BCAS3: variants seen among roughly 807,000 people sequenced by gnomAD.
BCAS3 encodes the protein BCAS4/BCAS3 fusion.
Under a neutral mutation model 116.1 loss-of-function variants are expected in BCAS3, and 53 were observed. That is an observed-to-expected ratio of 0.46 (90% CI 0.37 to 0.57). The LOEUF (loss-of-function observed/expected upper bound fraction) is 0.57, where lower values mean the gene tolerates loss of function less well. BCAS3 is among the 20% of genes least tolerant of loss of function. The pLI, the probability that BCAS3 is intolerant of heterozygous loss-of-function variation, is 0.00. For missense variants in BCAS3, 917 were observed against 1,165.4 expected, an observed-to-expected ratio of 0.79 and a Z score of 3.10; for synonymous variants, 391 against 408.2, an observed-to-expected ratio of 0.96 and a Z score of 0.51.
At chr17:60,969,451 C>G (rs554592381) in intron 14 of BCAS3, among the ~76,000 whole-genome samples, 1 of 152,090 alleles carries the variant, frequency 6.6e-6, no homozygotes, top group East Asian at 1.9e-4. Context: ...GTGTTAATAG[C>G]AGAATTTGAG....
chr17:60,839,994 A>G (rs2051742609), intron 7 of BCAS3, among the ~76,000 whole-genome samples: 1 of 152,156 alleles, frequency 6.6e-6, no homozygotes, highest in African/African-American at 2.4e-5. Context: ...TTTTGAAATC[A>G]TAAAAGCCAT....
intron 22 of BCAS3, among the ~76,000 whole-genome samples, chr17:61,266,210 T>C (rs1030062919): frequency 1.3e-5 from 2 of 152,204 alleles, no homozygotes; most frequent in Non-Finnish European, 2.9e-5. Context: ...TGCTTCAGGA[T>C]TTGATCTTAT....
At chr17:60,951,087 GGTATGGCAAAGCTATT>G (rs563772106) in intron 14 of BCAS3, among the ~76,000 whole-genome samples, 1,544 of 152,226 alleles carry the variant, frequency 0.01, 12 homozygotes, top group Non-Finnish European at 0.016. Context: ...TCATTGCTGT[GGTATGGCAAAGCTATT>G]GATAATTTTG....
At chr17:61,288,861 C>A (rs1203991497) in intron 22 of BCAS3, among the ~76,000 whole-genome samples, 2 of 152,174 alleles carry the variant, frequency 1.3e-5, no homozygotes, top group African/African-American at 2.4e-5. Flanking sequence ...TTTCCAGGTA[C>A]CTTGGTATTC....
At position 61,036,834 on chromosome 17, in the gene BCAS3, G is replaced by C. The variant is rs137973442; in HGVS notation, c.1763-1055G>C. Among the ~76,000 whole-genome samples the C allele has an allele frequency of 3.9e-5, 6 of 152,316 alleles. No individual in the cohort carries two copies. The East Asian group carries it at 9.6e-4, about 24-fold the overall frequency. On this transcript the variant is annotated intron_variant, in intron 17 of 23. Transcript: ENST00000407086. ...CTGATCTTCATTTACCATGGCGCCA[G>C]TGATCCCATGGAGAGAAAGAAGAGG...
At chr17:60,865,045 C>A (rs2054477103) in intron 7 of BCAS3, among the ~76,000 whole-genome samples, 1 of 152,022 alleles carries the variant, frequency 6.6e-6, no homozygotes, top group Non-Finnish European at 1.5e-5. Context: ...GATCACAGAT[C>A]ATTCTAACAG....
chr17:60,782,940 G>T (rs1386961320), intron 6 of BCAS3, among the ~76,000 whole-genome samples: 1 of 151,922 alleles, frequency 6.6e-6, no homozygotes, highest in African/African-American at 2.4e-5. Flanking sequence ...ATTAAATTTG[G>T]GGCCCCAAAT....
rs959547104 is a variant in BCAS3 at position 61,233,979 on chromosome 17, G to GTT, written c.2426-134336_2426-134335dup. On this transcript the variant is annotated intron_variant, in intron 22 of 23. Transcript: ENST00000407086. The surrounding 1 kb of genome is among the most constrained non-coding windows in gnomAD (Gnocchi z 4.3). ...TTGAGTATTACTAATATCAGGTTTG[G>GTT]TTTTTTTTTTTTTCACTTAGTACCC... 2.9e-5 allele frequency among the ~76,000 whole-genome samples: 4 copies of GTT among 140,246 alleles called. No homozygotes were observed. The highest frequency in any genetic ancestry group is 7.8e-5 in the African/African-American group (3 of 38,444). The allele number at this position is 140,246 out of a possible 152,430, so 92.0% of individuals were successfully genotyped here. A position where few individuals can be genotyped will look rare whatever the true frequency, so the allele number is the denominator to read the frequency against.
intron 7 of BCAS3, chr17:60,851,284 GC>G (rs1481581462): frequency 3.4e-6 from 1 of 295,192 alleles, no homozygotes; most frequent in African/African-American, 2.3e-5. Context: ...AGCTCGGGCT[GC>G]AGGAGGAGTG....
intron 13 of BCAS3, among the ~76,000 whole-genome samples, chr17:60,936,193 C>A (rs375210785): frequency 2.6e-5 from 4 of 151,216 alleles, no homozygotes; most frequent in African/African-American, 4.9e-5. Flanking sequence ...TGAACTCATC[C>A]TTTTTTATGG....
At chr17:61,375,859 C>T (rs563718861) in intron 23 of BCAS3, among the ~76,000 whole-genome samples, 120 of 152,298 alleles carry the variant, frequency 7.9e-4, no homozygotes, top group Admixed American at 1.4e-3. Flanking sequence ...ATGCATGAGC[C>T]ACCACACCGG....
Position 61,381,437 on chromosome 17 carries a change from G to A in BCAS3, c.2594-10540G>A, listed in dbSNP as rs141020100. On this transcript the variant is annotated intron_variant, in intron 23 of 23. Transcript: ENST00000407086. The surrounding 1 kb of genome is among the most constrained non-coding windows in gnomAD (Gnocchi z 6.0). ...GAGACTGTGATCCTTTCCCAGCCGC[G>A]GCGTGTGGGCTTGAGACACAGGCTG... 3.0e-4 allele frequency among the ~76,000 whole-genome samples: 46 copies of A among 152,144 alleles called. 1 individual carries two copies. The highest frequency in any genetic ancestry group is 7.5e-4 in the African/African-American group (31 of 41,490).
intron 22 of BCAS3, among the ~76,000 whole-genome samples, chr17:61,102,057 A>G (rs1472915954): frequency 1.3e-5 from 2 of 152,146 alleles, no homozygotes; most frequent in African/African-American, 4.8e-5. Context: ...CTCAAGAATA[A>G]AAATAAGGAA....
chr17:61,084,114 G>A lies in BCAS3; in HGVS notation c.2328-353G>A, dbSNP rs116447950. Among the ~76,000 whole-genome samples, 315 of 152,274 alleles carry A rather than the reference G, an allele frequency of 2.1e-3. 2 individuals carry two copies. Among genetic ancestry groups the A allele is most frequent in the African/African-American group, 7.1e-3 (296 of 41,542 alleles). ...AGGATTCTCAAAACTCTTCATGTGT[G>A]TCCCTTGGAAATCCCAAAGGTTTCA... On this transcript the variant is annotated intron_variant, in intron 21 of 23. Transcript: ENST00000407086. This position sits in a 1 kb window ranked among gnomAD's most constrained non-coding sequence, Gnocchi z 5.5.
chr17:60,775,212 G>T (rs572357475), intron 6 of BCAS3, among the ~76,000 whole-genome samples: 39 of 151,924 alleles, frequency 2.6e-4, no homozygotes, highest in South Asian at 1.9e-3. Context: ...TAATTGTGGG[G>T]TTTTTTTTCT....
intron 7 of BCAS3, chr17:60,810,763 G>C: frequency 1.5e-6 from 1 of 659,302 alleles, no homozygotes; most frequent in Admixed American, 1.9e-5. Flanking sequence ...GCTTCAGCTG[G>C]AGACAGAGAT....
chr17:61,237,287 C>T (rs1468745757), intron 22 of BCAS3, among the ~76,000 whole-genome samples: 2 of 152,102 alleles, frequency 1.3e-5, no homozygotes, highest in Non-Finnish European at 2.9e-5. Context: ...GTAAAGCACA[C>T]CAATCAGTGC....
At chr17:61,345,364 A>G (rs548269625) in intron 22 of BCAS3, among the ~76,000 whole-genome samples, 71 of 152,232 alleles carry the variant, frequency 4.7e-4, no homozygotes, top group Non-Finnish European at 8.2e-4. Context: ...TTTAAAGGAA[A>G]GAATGAGCAA....
Position 61,077,390 on chromosome 17 carries a change from G to A in BCAS3, c.2131-943G>A, listed in dbSNP as rs548336204. ...AAATTAGCCGGGCGTGGTGGCGGGCGCCTGTAGTCCCAGCTACTGGGGAGG... is the reference window on the plus strand; with the variant it reads ...AAATTAGCCGGGCGTGGTGGCGGGCACCTGTAGTCCCAGCTACTGGGGAGG... On this transcript the variant is annotated intron_variant, in intron 20 of 23. Coordinates refer to ENST00000407086, the MANE Select transcript of BCAS3 (RefSeq NM_017679.5). This position sits in a 1 kb window ranked among gnomAD's most constrained non-coding sequence, Gnocchi z 4.3. Among the ~76,000 whole-genome samples, 409 of 152,146 alleles carry A rather than the reference G, an allele frequency of 2.7e-3. 3 individuals carry two copies. The highest frequency in any genetic ancestry group is 9.4e-3 in the African/African-American group (391 of 41,516).
Sources: allele counts gnomAD v4.1 joint callset (sites outside exome capture counted in the v4.1 genomes callset), GRCh38; gene constraint gnomAD v4.1.1; non-coding constraint Gnocchi (gnomAD v3.1); transcripts MANE v1.5; gene names NCBI Gene and HGNC (gene_info 2026-07-23, HGNC 2026-07-21).